ALG8: variants seen among roughly 807,000 people sequenced by gnomAD.
ALG8 encodes the protein dolichyl pyrophosphate Glc1Man9GlcNAc2 alpha-1,3-glucosyltransferase.
A neutral mutation model predicts 70.2 loss-of-function variants in ALG8; 48 were observed. That is an observed-to-expected ratio of 0.68 (90% confidence interval 0.54 to 0.87). The LOEUF (loss-of-function observed/expected upper bound fraction) is 0.87. ALG8 is among the 40% of genes least tolerant of loss of function. ALG8 has a pLI of 0.00. For synonymous variants in ALG8, 234 were observed against 229.0 expected (o/e 1.02, Z -0.20); for missense variants, 572 against 608.7 (o/e 0.94, Z 0.64).
At chr11:78,114,160 T>A in intron 6 of ALG8, 106 bp downstream of exon 6, 1 of 1,498,116 alleles carries the variant, frequency 6.7e-7, no homozygotes, top group South Asian at 1.2e-5. Context: ...GATTAGCAGC[T>A]GAGATATCTG....
intron 6 of ALG8, 72 bp from the exon 7 acceptor site, chr11:78,114,061 T>C: frequency 6.9e-7 from 1 of 1,446,930 alleles, no homozygotes; most frequent in Non-Finnish European, 9.5e-7. Flanking sequence ...TATCATGTGC[T>C]AAAACTAGAA....
At chr11:78,105,317 C>G (rs1859968960) in intron 10 of ALG8, among the ~76,000 whole-genome samples, 2 of 152,104 alleles carry the variant, frequency 1.3e-5, no homozygotes, top group African/African-American at 4.8e-5. Context: ...GCTATTATTA[C>G]CATTTATTTA....
chr11:78,132,510 C>A (rs1048854419), intron 1 of ALG8, among the ~76,000 whole-genome samples: 1 of 152,194 alleles, frequency 6.6e-6, no homozygotes, highest in Non-Finnish European at 1.5e-5. Flanking sequence ...GCTTTATAAG[C>A]TCCGGCATGA....
At chr11:78,123,998 A>G (rs1483168452) in intron 3 of ALG8, 23 bp downstream of exon 3, 16 of 1,613,502 alleles carry the variant, frequency 9.9e-6, no homozygotes, top group Non-Finnish European at 1.4e-5. Context: ...CCTTCCATAC[A>G]AAATGACATG....
chr11:78,102,040 C>T (rs1316507921), intron 12 of ALG8, among the ~76,000 whole-genome samples: 1 of 152,048 alleles, frequency 6.6e-6, no homozygotes, highest in African/African-American at 2.4e-5. Context: ...CAAGGTTTCA[C>T]CAGATTTTTA....
chr11:78,127,712 CTT>C (rs1192507872), intron 1 of ALG8, among the ~76,000 whole-genome samples: 19 of 132,818 alleles, frequency 1.4e-4, no homozygotes, highest in Non-Finnish European at 1.8e-4. Context: ...TTTTTCTTTT[CTT>C]TTTTTTTTTT....
intron 5 of ALG8, among the ~76,000 whole-genome samples, chr11:78,118,364 C>T (rs1329912632): frequency 6.6e-6 from 1 of 152,058 alleles, no homozygotes; most frequent in Admixed American, 6.6e-5. Context: ...GCCTGTAATC[C>T]CAGCACTTTG....
chr11:78,103,181 C>T (rs897144957), intron 12 of ALG8, among the ~76,000 whole-genome samples: 8 of 151,826 alleles, frequency 5.3e-5, no homozygotes, highest in African/African-American at 1.2e-4. Flanking sequence ...CAAAATTAGC[C>T]GGGCACAGCA....
chr11:78,138,465 G>T (rs961863623), intron 1 of ALG8, among the ~76,000 whole-genome samples: 1 of 152,054 alleles, frequency 6.6e-6, no homozygotes, highest in African/African-American at 2.4e-5. Flanking sequence ...TCATTTTACT[G>T]AATCTACATA....
intron 1 of ALG8, among the ~76,000 whole-genome samples, chr11:78,129,417 C>T (rs1861210952): frequency 2.3e-4 from 1 of 4,364 alleles, no homozygotes; most frequent in Non-Finnish European, 5.2e-4. Flanking sequence ...AAGACTCCGT[C>T]TCAAAAAAAA....
At chr11:78,126,940 C>T (rs1111946) in intron 2 of ALG8, among the ~76,000 whole-genome samples, 100,660 of 151,854 alleles carry the variant, frequency 0.66, 34,173 homozygotes, top group African/African-American at 0.82. Flanking sequence ...TGAGAAGAGA[C>T]CACAATTTTT....
At chr11:78,109,126 A>G (rs1860170727) in intron 9 of ALG8, among the ~76,000 whole-genome samples, 1 of 152,184 alleles carries the variant, frequency 6.6e-6, no homozygotes, top group Admixed American at 6.5e-5. Flanking sequence ...TGTCCCTGCC[A>G]CAAACATTTC....
rs1590810389 is a variant in ALG8, at chr11:78,109,377, A to C, written c.1038+65T>G. The stretch of plus-strand genomic sequence containing the variant: ...TGGAAGAGCTTGAAAGTTGAAATTT[A>C]ATCAGCCAGACAAAAGAAAAGCAGA... On this transcript the variant is annotated intron_variant, in intron 9 of 12. Transcript: ENST00000299626. 1.9e-6 allele frequency: 3 copies of C among 1,602,914 alleles called. No homozygotes were observed. In the East Asian group the frequency reaches 6.7e-5, roughly 36 times the overall value.
chr11:78,138,885 G>C (rs976866353), intron 1 of ALG8: 3 of 437,052 alleles, frequency 6.9e-6, no homozygotes, highest in African/African-American at 6.1e-5. Context: ...GCCACAAGGG[G>C]CACTTTCTGT....
intron 12 of ALG8, among the ~76,000 whole-genome samples, chr11:78,102,707 C>CT (rs1202986941): frequency 6.6e-6 from 1 of 152,152 alleles, no homozygotes; most frequent in African/African-American, 2.4e-5. Flanking sequence ...AATGCCAGCA[C>CT]TTTGGGAGGC....
chr11:78,112,396 A>G (rs1277401484), intron 8 of ALG8: 8 of 433,582 alleles, frequency 1.8e-5, no homozygotes, highest in African/African-American at 1.2e-4. Flanking sequence ...GAGTGTCTAC[A>G]TATTTTATTT....
In ALG8 at chr11:78,109,463, G is replaced by A. The variant is rs369578883; in HGVS notation, c.1017C>T (p.Ile339=). 6.2e-7 allele frequency: 1 copy of A among 1,614,206 alleles called. No homozygotes were observed. The highest frequency in any genetic ancestry group is 1.6e-4 in the Middle Eastern group (1 of 6,062). ...LPSVTPLATL[I]CTLIAILPSI... ...TTACCAATATGGCAATCAGTGTGCAGATGAGGGTTGCCAAGGGAGTCACTG... is the reference window on the plus strand; with the variant it reads ...TTACCAATATGGCAATCAGTGTGCAAATGAGGGTTGCCAAGGGAGTCACTG... Residue 339 remains isoleucine (I), a synonymous_variant, in exon 9 of 13, where the codon ATC becomes ATT. Coordinates refer to ENST00000299626, the MANE Select transcript of ALG8 (RefSeq NM_024079.5).
In ALG8 at chr11:78,131,343, C is replaced by T. The variant is rs920851414; in HGVS notation, c.96-3907G>A. On this transcript the variant is annotated intron_variant, in intron 1 of 12. Coordinates refer to ENST00000299626, the MANE Select transcript of ALG8 (RefSeq NM_024079.5). Reference sequence around the variant, plus strand: ...ATCAGCCGAGCACAATGGTTCATGCCTATAATCCCAGTACTTTGGGAGGCC... The same window carrying T: ...ATCAGCCGAGCACAATGGTTCATGCTTATAATCCCAGTACTTTGGGAGGCC... 2.0e-5 allele frequency among the ~76,000 whole-genome samples: 3 copies of T among 152,118 alleles called. No individual in the cohort carries two copies. The East Asian group carries it at 5.8e-4, about 29-fold the overall frequency.
At chr11:78,137,798 TG>T (rs1327259450) in intron 1 of ALG8, among the ~76,000 whole-genome samples, 1 of 151,956 alleles carries the variant, frequency 6.6e-6, no homozygotes, top group Non-Finnish European at 1.5e-5. Flanking sequence ...ATAATAGCAA[TG>T]AAAAAGTGTG....
Sources: allele counts gnomAD v4.1 joint callset (sites outside exome capture counted in the v4.1 genomes callset), GRCh38; gene constraint gnomAD v4.1.1; transcripts MANE v1.5; gene names NCBI Gene and HGNC (gene_info 2026-07-23, HGNC 2026-07-21).